The following WARS2 variants were observed in gnomAD, a reference collection of about 807,000 sequenced individuals.
The protein encoded by WARS2 is tryptophan--tRNA ligase, mitochondrial.
A neutral mutation model predicts 36.5 loss-of-function variants in WARS2; 28 were observed. The observed-to-expected ratio is 0.77, with a 90% CI of 0.57 to 1.05. WARS2 has a LOEUF of 1.05. Ranked by LOEUF, WARS2 falls within the 50% of genes least tolerant of loss-of-function variation. The pLI, the probability that WARS2 is intolerant of heterozygous loss-of-function variation, is 0.00. For missense variants in WARS2, 435 were observed against 456.8 expected, an observed-to-expected ratio of 0.95 and a Z score of 0.44; for synonymous variants, 174 against 178.4, an observed-to-expected ratio of 0.98 and a Z score of 0.20.
intron 1 of WARS2, among the ~76,000 whole-genome samples, chr1:119,091,730 T>A (rs1158901163): frequency 6.6e-6 from 1 of 152,066 alleles, no homozygotes; most frequent in Non-Finnish European, 1.5e-5. Context: ...TAAACACAGG[T>A]GGTGAGAGAG....
At chr1:119,088,078 T>C (rs1652800362) in intron 1 of WARS2, among the ~76,000 whole-genome samples, 2 of 152,214 alleles carry the variant, frequency 1.3e-5, no homozygotes, top group Non-Finnish European at 2.9e-5. Flanking sequence ...TTCTGATGTA[T>C]GCTAAAGTTT....
chr1:119,125,315 T>C (rs1655577713), intron 1 of WARS2, among the ~76,000 whole-genome samples: 1 of 152,124 alleles, frequency 6.6e-6, no homozygotes, highest in African/African-American at 2.4e-5. Flanking sequence ...ACCACCTAAT[T>C]TACAACTGTG....
At chr1:119,071,220 G>T (rs1651292402) in intron 2 of WARS2, among the ~76,000 whole-genome samples, 1 of 152,096 alleles carries the variant, frequency 6.6e-6, no homozygotes. Flanking sequence ...TGGAGAAAAG[G>T]GAACCCATGC....
Position 119,044,610 on chromosome 1 carries a change from G to C in WARS2, c.429+972C>G, listed in dbSNP as rs368619636. ...GAAATTTATGTCTCATAGTTCTGGAGGCTGGGAAGTCCAAGATTAAGGCAA... is the reference window on the plus strand; with the variant it reads ...GAAATTTATGTCTCATAGTTCTGGACGCTGGGAAGTCCAAGATTAAGGCAA... On this transcript the variant is annotated intron_variant, in intron 3 of 5. Coordinates refer to ENST00000235521, the MANE Select transcript of WARS2 (RefSeq NM_015836.4). Among the ~76,000 whole-genome samples the C allele has an allele frequency of 8.5e-4, 130 of 152,282 alleles. No individual in the cohort carries two copies. The South Asian group carries it at 0.027, about 31-fold the overall frequency.
intron 2 of WARS2, among the ~76,000 whole-genome samples, chr1:119,067,364 T>C (rs986288865): frequency 6.6e-6 from 1 of 152,192 alleles, no homozygotes; most frequent in African/African-American, 2.4e-5. Flanking sequence ...ATGTTTAATA[T>C]GTAAAAAACA....
chr1:119,138,848 C>A (rs987182594), intron 1 of WARS2, among the ~76,000 whole-genome samples: 7 of 152,164 alleles, frequency 4.6e-5, no homozygotes. Context: ...TTGAAACAAT[C>A]TAGATTAATA....
At chr1:119,068,576 C>T (rs1251229268) in intron 2 of WARS2, among the ~76,000 whole-genome samples, 2 of 152,178 alleles carry the variant, frequency 1.3e-5, no homozygotes, top group African/African-American at 4.8e-5. Flanking sequence ...CTGTCCTTTT[C>T]TCCTTGCCTT....
At chr1:119,112,434 G>T (rs768480269) in intron 1 of WARS2, among the ~76,000 whole-genome samples, 1 of 152,180 alleles carries the variant, frequency 6.6e-6, no homozygotes, top group Admixed American at 6.5e-5. Flanking sequence ...CAGAGAGGGA[G>T]ACATTTATGA....
intron 1 of WARS2, chr1:119,085,493 T>C (rs780551012): frequency 1.0e-4 from 163 of 1,576,874 alleles, no homozygotes; most frequent in Non-Finnish European, 1.3e-4. Flanking sequence ...GCTTTTTTGT[T>C]GGTTTTTCAT....
At chr1:119,139,301 A>G (rs1256028719) in intron 1 of WARS2, among the ~76,000 whole-genome samples, 1 of 152,226 alleles carries the variant, frequency 6.6e-6, no homozygotes, top group Non-Finnish European at 1.5e-5. Context: ...ATATTAGCTT[A>G]TAAGAATTTT....
intron 1 of WARS2, among the ~76,000 whole-genome samples, chr1:119,105,202 G>A (rs1654150343): frequency 6.6e-6 from 1 of 152,116 alleles, no homozygotes; most frequent in African/African-American, 2.4e-5. Flanking sequence ...GAAAAGGGTG[G>A]TACCAAGGAT....
Position 119,032,891 on chromosome 1 carries a change from C to T in WARS2, c.*20G>A. The T allele has an allele frequency of 1.3e-6, 2 of 1,597,436 alleles. No individual in the cohort carries two copies. The highest frequency in any genetic ancestry group is 8.5e-7 in the Non-Finnish European group (1 of 1,169,890). ...TGGAGTGCAAGGCACAAAAGCCTTG[C>T]TGTGATTCGTTGAAACTTCCTATAG... On this transcript the variant is annotated 3_prime_UTR_variant, in exon 6 of 6. Coordinates refer to ENST00000235521, the MANE Select transcript of WARS2 (RefSeq NM_015836.4).
chr1:119,080,875 A>T (rs896910826), intron 1 of WARS2, among the ~76,000 whole-genome samples: 1 of 152,240 alleles, frequency 6.6e-6, no homozygotes, highest in African/African-American at 2.4e-5. Flanking sequence ...CTTCTAGCCT[A>T]GCCCACAGGC....
rs953949099 is a variant in WARS2 at position 119,094,256 on chromosome 1, A to C, written c.91-17649T>G. Among the ~76,000 whole-genome samples the C allele has an allele frequency of 2.0e-5, 3 of 152,198 alleles. No individual in the cohort carries two copies. In the South Asian group the frequency reaches 6.2e-4, roughly 31 times the overall value. ...GAAAAATGTAAATTTAAACTTAGCA[A>C]ATATTTATTTCCTTTGGTAAAAAAA... On this transcript the variant is annotated intron_variant, in intron 1 of 5. Coordinates refer to ENST00000235521, the MANE Select transcript of WARS2 (RefSeq NM_015836.4).
intron 1 of WARS2, among the ~76,000 whole-genome samples, chr1:119,101,347 A>G (rs1024153210): frequency 1.3e-5 from 2 of 152,126 alleles, no homozygotes; most frequent in African/African-American, 4.8e-5. Context: ...ACAATATAAG[A>G]GTCATGTTAC....
chr1:119,111,638 A>G (rs1359275102), intron 1 of WARS2, among the ~76,000 whole-genome samples: 1 of 152,152 alleles, frequency 6.6e-6, no homozygotes, highest in African/African-American at 2.4e-5. Context: ...TTCTGGAAGG[A>G]AAATTCACAA....
chr1:119,045,817 G>A (rs569243917), intron 2 of WARS2, among the ~76,000 whole-genome samples, 155 bp from the exon 3 acceptor site: 40 of 152,254 alleles, frequency 2.6e-4, no homozygotes, highest in African/African-American at 8.9e-4. Flanking sequence ...GATTCATGAA[G>A]CATAGACTCT....
chr1:119,085,929 A>C (rs587690453), intron 1 of WARS2: 1 of 1,610,510 alleles, frequency 6.2e-7, no homozygotes, highest in Non-Finnish European at 8.5e-7. Flanking sequence ...CTCATTGATC[A>C]GCTTCACCTT....
intron 1 of WARS2, among the ~76,000 whole-genome samples, chr1:119,110,860 A>C (rs1654580773): frequency 6.6e-6 from 1 of 151,294 alleles, no homozygotes; most frequent in Non-Finnish European, 1.5e-5. Flanking sequence ...ATTGCTTTTC[A>C]GTTTTGGAAG....
Sources: allele counts gnomAD v4.1 joint callset (sites outside exome capture counted in the v4.1 genomes callset), GRCh38; gene constraint gnomAD v4.1.1; transcripts MANE v1.5; gene names NCBI Gene and HGNC (gene_info 2026-07-23, HGNC 2026-07-21).